The following ADM variants were observed in gnomAD, a reference collection of about 807,000 sequenced individuals.
The protein encoded by ADM is adrenomedullin, also known as pro-adrenomedullin.
In ADM, 4 loss-of-function variants were observed where a neutral mutation model predicts 9.0. The observed-to-expected ratio is 0.44, with a 90% CI of 0.22 to 1.02. The LOEUF (loss-of-function observed/expected upper bound fraction) is 1.02, where lower values mean the gene tolerates loss of function less well. ADM is among the 50% of genes least tolerant of loss of function. The probability of loss-of-function intolerance (pLI) is 0.24; values close to 1 mark genes in which losing one functional copy is unlikely to be tolerated. For synonymous variants in ADM, 107 were observed against 107.2 expected (o/e 1.00, Z 0.01); for missense variants, 253 against 254.1 (o/e 1.00, Z 0.03).
chr11:10,306,172 C>T (rs986385648), intron 3 of ADM, 74 bp downstream of exon 3: 2 of 1,575,268 alleles, frequency 1.3e-6, no homozygotes, highest in Non-Finnish European at 1.7e-6. Context: ...TCTCCACTCC[C>T]CTGGCCCGGG....
intron 3 of ADM, 90 bp from the exon 4 acceptor site, chr11:10,306,242 T>C: frequency 6.4e-7 from 1 of 1,550,454 alleles, no homozygotes; most frequent in South Asian, 1.2e-5. Context: ...TCCCTCTGGC[T>C]CTAGAATGGC....
Position 10,305,938 on chromosome 11 carries a change from G to C in ADM, c.99-11G>C. Reference sequence around the variant, plus strand: ...GAACGCACGCGAATCGGGTCTGCTTGTGTTTTCCAGGTGGAATAAGTGGGC... The same window carrying C: ...GAACGCACGCGAATCGGGTCTGCTTCTGTTTTCCAGGTGGAATAAGTGGGC... On this transcript the variant is annotated splice_polypyrimidine_tract_variant and intron_variant, in intron 2 of 3. Coordinates refer to ENST00000278175, the MANE Select transcript of ADM (RefSeq NM_001124.3). 1 of 1,613,518 alleles carries C rather than the reference G, an allele frequency of 6.2e-7. No homozygotes were observed. The highest frequency in any genetic ancestry group is 8.5e-7 in the Non-Finnish European group (1 of 1,180,018).
chr11:10,305,998 A>C lies in ADM; in HGVS notation c.148A>C (p.Ser50Arg). The C allele has an allele frequency of 6.2e-7, 1 of 1,614,062 alleles. No individual in the cohort carries two copies. Among genetic ancestry groups the C allele is most frequent in the Non-Finnish European group, 8.5e-7 (1 of 1,180,024 alleles). Reference sequence around the variant, plus strand: ...TGGGAAGAGGGAACTGCGGATGTCCAGCAGCTACCCCACCGGGCTCGCTGA... The same window carrying C: ...TGGGAAGAGGGAACTGCGGATGTCCCGCAGCTACCCCACCGGGCTCGCTGA... ...SRGKRELRMS[S>R]SYPTGLADVK... The change falls in exon 3 of 4, where the codon AGC (serine) becomes CGC (arginine). Residue 50 changes from serine to arginine, a missense_variant. Ser to Arg is a moderately radical substitution (Grantham distance 110). Coordinates refer to ENST00000278175, the MANE Select transcript of ADM (RefSeq NM_001124.3).
intron 2 of ADM, 60 bp downstream of exon 2, chr11:10,305,858 T>C: frequency 1.9e-6 from 3 of 1,612,156 alleles, no homozygotes; most frequent in South Asian, 2.2e-5. Flanking sequence ...GAACTGACCG[T>C]TGGTCCCGAA....
In ADM at chr11:10,306,047, C is replaced by G. The variant is rs1964651989; in HGVS notation, c.197C>G (p.Thr66Ser). Residue 66 changes from threonine to serine, a missense_variant, in exon 3 of 4, where the codon ACC (threonine) becomes AGC (serine). By Grantham distance (58) the Thr-to-Ser change is moderately conservative. Transcript: ENST00000278175. ...GACGTGAAGGCCGGGCCTGCCCAGA[C>G]CCTTATTCGGCCCCAGGACATGAAG... ...LADVKAGPAQ[T>S]LIRPQDMKGA... The G allele has an allele frequency of 6.2e-7, 1 of 1,613,958 alleles. No individual in the cohort carries two copies. The highest frequency in any genetic ancestry group is 1.7e-5 in the Admixed American group (1 of 60,010).
chr11:10,306,158 T>C, intron 3 of ADM, 60 bp downstream of exon 3: 1 of 1,591,890 alleles, frequency 6.3e-7, no homozygotes, highest in Non-Finnish European at 8.6e-7. Context: ...GGAGGAGTTC[T>C]CTGTCTCCAC....
At position 10,306,984 on chromosome 11, in the gene ADM, C is replaced by T; in HGVS notation, c.*343C>T. On this transcript the variant is annotated 3_prime_UTR_variant, in exon 4 of 4. Coordinates refer to ENST00000278175, the MANE Select transcript of ADM (RefSeq NM_001124.3). The stretch of plus-strand genomic sequence containing the variant: ...GCCGTGCTCGCCCACAAACTGATTT[C>T]TCACGGCGTGTCACCCCACCAGGGC... The T allele has an allele frequency of 4.3e-6, 1 of 233,610 alleles. No individual in the cohort carries two copies. The highest frequency in any genetic ancestry group is 8.2e-6 in the Non-Finnish European group (1 of 121,224). 14.5% of individuals were successfully genotyped at this position (233,610 alleles called of 1,614,324 possible).
In ADM at chr11:10,306,093, A is replaced by G; in HGVS notation, c.243A>G (p.Glu81=). The G allele has an allele frequency of 2.5e-6, 4 of 1,613,900 alleles. No homozygotes were observed. The highest frequency in any genetic ancestry group is 3.4e-6 in the Non-Finnish European group (4 of 1,180,000). Residue 81 remains glutamate (E), a synonymous_variant, in exon 3 of 4, where the codon GAA becomes GAG. Transcript: ENST00000278175. ...QDMKGASRSP[E]DSSPDAARIR... is the part of the protein sequence containing the mutation. ...TGAAGGGTGCCTCTCGAAGCCCCGA[A>G]GACAGGTAACTACGCCCTGTGCTGT...
rs1293506682 is a variant in ADM at position 10,305,963 on chromosome 11, C to A, written c.113C>A (p.Ala38Asp). The A allele has an allele frequency of 6.2e-7, 1 of 1,613,740 alleles. No homozygotes were observed. Residue 38 changes from alanine (A) to aspartate (D), a missense_variant, in exon 3 of 4, where the codon GCT (alanine) becomes GAT (aspartate). Coordinates refer to ENST00000278175, the MANE Select transcript of ADM (RefSeq NM_001124.3). ...GTGTTTTCCAGGTGGAATAAGTGGG[C>A]TCTGAGTCGTGGGAAGAGGGAACTG... ...SEFRKKWNKW[A>D]LSRGKRELRM...
Position 10,306,048 on chromosome 11 carries a change from C to T in ADM, c.198C>T (p.Thr66=). 6.2e-7 allele frequency: 1 copy of T among 1,614,096 alleles called. No homozygotes were observed. The highest frequency in any genetic ancestry group is 1.1e-5 in the South Asian group (1 of 91,084). Residue 66 remains threonine, a synonymous_variant, in exon 3 of 4, where the codon ACC becomes ACT. Transcript: ENST00000278175. ...LADVKAGPAQ[T]LIRPQDMKGA... The stretch of plus-strand genomic sequence containing the variant: ...ACGTGAAGGCCGGGCCTGCCCAGAC[C>T]CTTATTCGGCCCCAGGACATGAAGG...
At chr11:10,306,311 T>TGCGGGG in intron 3 of ADM, 21 bp from the exon 4 acceptor site, 2 of 1,543,762 alleles carry the variant, frequency 1.3e-6, no homozygotes, top group Non-Finnish European at 1.8e-6. Flanking sequence ...TTGCCTTTCT[T>TGCGGGG]CCCCCTCCCC....
intron 2 of ADM, 31 bp downstream of exon 2, chr11:10,305,829 G>C: frequency 6.2e-7 from 1 of 1,612,974 alleles, no homozygotes; most frequent in South Asian, 1.1e-5. Flanking sequence ...CCCCCTTGCT[G>C]GTACCTGGCA....
chr11:10,306,320 CCCCG>C lies in ADM; in HGVS notation c.249-6_249-3del. ...CTCAAGTTGCCTTTCTTCCCCCTCC[CCCCG>C]CCCGCAGCAGTCCGGATGCCGCCCG... On this transcript the variant is annotated splice_region_variant and splice_polypyrimidine_tract_variant and intron_variant, in intron 3 of 3. Transcript: ENST00000278175. The C allele has an allele frequency of 6.8e-7, 1 of 1,481,200 alleles. No homozygotes were observed. Among genetic ancestry groups the C allele is most frequent in the Non-Finnish European group, 9.3e-7 (1 of 1,073,628 alleles). The allele number at this position is 1,481,200 out of a possible 1,614,324, so 91.8% of individuals were successfully genotyped here. A position where few individuals can be genotyped will look rare whatever the true frequency, so the allele number is the denominator to read the frequency against.
At chr11:10,305,415 G>C (rs974763208) in intron 1 of ADM, 186 bp downstream of exon 1, 1 of 475,888 alleles carries the variant, frequency 2.1e-6, no homozygotes, top group African/African-American at 2.0e-5. Flanking sequence ...AGTCCCCTCT[G>C]CTCCGTCAGC....
At chr11:10,305,547 G>A (rs898458685) in intron 1 of ADM, 133 bp from the exon 2 acceptor site, 9 of 709,512 alleles carry the variant, frequency 1.3e-5, no homozygotes, top group African/African-American at 1.3e-4. Context: ...TGCGCGGAGG[G>A]AGATAAGCGT....
In ADM at chr11:10,306,707, G is replaced by C. The variant is rs1004417819; in HGVS notation, c.*66G>C. The C allele has an allele frequency of 1.4e-6, 2 of 1,463,910 alleles. No homozygotes were observed. Among genetic ancestry groups the C allele is most frequent in the African/African-American group, 2.9e-5 (2 of 70,088 alleles). The allele number at this position is 1,463,910 out of a possible 1,614,324, so 90.7% of individuals were successfully genotyped here. A position where few individuals can be genotyped will look rare whatever the true frequency, so the allele number is the denominator to read the frequency against. ...TCCCGCTGGTGCCTCCCGGGACGAA[G>C]GACTTCCCGAGCGGTGTGGGGACCG... On this transcript the variant is annotated 3_prime_UTR_variant, in exon 4 of 4. Coordinates refer to ENST00000278175, the MANE Select transcript of ADM (RefSeq NM_001124.3).
In ADM at chr11:10,306,571, T is replaced by C; in HGVS notation, c.488T>C (p.Leu163Pro). 1.2e-6 allele frequency: 2 copies of C among 1,611,896 alleles called. No individual in the cohort carries two copies. Among genetic ancestry groups the C allele is most frequent in the South Asian group, 2.2e-5 (2 of 90,956 alleles). ...CCCGAGGCCGGCCCGGGTCGGACTC[T>C]GGTGTCTTCTAAGCCACAAGCACAC... ...SLPEAGPGRT[L>P]VSSKPQAHGA... is the part of the protein sequence containing the mutation. The change falls in exon 4 of 4, where the codon CTG becomes CCG. Residue 163 changes from leucine to proline, a missense_variant. By Grantham distance (98) the Leu-to-Pro change is moderately conservative. Coordinates refer to ENST00000278175, the MANE Select transcript of ADM (RefSeq NM_001124.3).
At position 10,306,902 on chromosome 11, in the gene ADM, G is replaced by A; in HGVS notation, c.*261G>A. The A allele has an allele frequency of 2.6e-6, 1 of 388,624 alleles. No individual in the cohort carries two copies. The highest frequency in any genetic ancestry group is 4.5e-5 in the Admixed American group (1 of 22,110). The allele number at this position is 388,624 out of a possible 1,614,324, so 24.1% of individuals were successfully genotyped here. On this transcript the variant is annotated 3_prime_UTR_variant, in exon 4 of 4. Coordinates refer to ENST00000278175, the MANE Select transcript of ADM (RefSeq NM_001124.3). ...AATCCGAGTGTTTGCCAGGCTTAAG[G>A]AGAGGAGAAACTGAGAAATGAATGC...
chr11:10,305,750 T>C lies in ADM; in HGVS notation c.50T>C (p.Leu17Pro). 1 of 1,614,200 alleles carries C rather than the reference T, an allele frequency of 6.2e-7. No individual in the cohort carries two copies. The highest frequency in any genetic ancestry group is 8.5e-7 in the Non-Finnish European group (1 of 1,180,026). ...ATGTACCTGGGTTCGCTCGCCTTCC[T>C]AGGCGCTGACACCGCTCGGTTGGAT... ...ALMYLGSLAF[L>P]GADTARLDVA... is the part of the protein sequence containing the mutation. The change falls in exon 2 of 4, where the codon CTA (leucine) becomes CCA (proline). Residue 17 changes from leucine to proline, a missense_variant. Leu to Pro is a moderately conservative substitution (Grantham distance 98, BLOSUM62 -3). Coordinates refer to ENST00000278175, the MANE Select transcript of ADM (RefSeq NM_001124.3).
Sources: allele counts gnomAD v4.1 joint callset, GRCh38; gene constraint gnomAD v4.1.1; transcripts MANE v1.5; gene names NCBI Gene and HGNC (gene_info 2026-07-23, HGNC 2026-07-21).